SGCG: variants seen among roughly 807,000 people sequenced by gnomAD.
SGCG encodes the protein sarcoglycan gamma, also known as gamma-sarcoglycan.
SGCG carries 26 observed loss-of-function variants against 29.3 expected under a neutral mutation model. The observed-to-expected ratio is 0.89, with a 90% CI of 0.65 to 1.23. SGCG has a LOEUF of 1.23. Among genes scored for constraint, SGCG ranks in the 50% most tolerant of loss-of-function variants. SGCG has a pLI of 0.00. For synonymous variants in SGCG, 145 were observed against 129.7 expected, an observed-to-expected ratio of 1.12 and a Z score of -0.80; for missense variants, 353 against 356.0, an observed-to-expected ratio of 0.99 and a Z score of 0.07.
chr13:23,232,330 A>C (rs1164440158), intron 2 of SGCG, among the ~76,000 whole-genome samples: 3 of 152,214 alleles, frequency 2.0e-5, no homozygotes, highest in Non-Finnish European at 4.4e-5. Context: ...TGTCTTTGAA[A>C]GTAGAAGTCT....
rs147875973 is a variant in SGCG, at chr13:23,320,820, T to C, written c.702+60T>C. Reference sequence around the variant, plus strand: ...GTCCTGATGATATTCCTGAGTACCATGTCTGTAAAGCTATCAGTATTAAAT... The same window carrying C: ...GTCCTGATGATATTCCTGAGTACCACGTCTGTAAAGCTATCAGTATTAAAT... On this transcript the variant is annotated intron_variant, in intron 7 of 7. Coordinates refer to ENST00000218867, the MANE Select transcript of SGCG (RefSeq NM_000231.3). 438 of 1,531,706 alleles carry C rather than the reference T, an allele frequency of 2.9e-4. 3 individuals are homozygous for C. In the African/African-American group the frequency reaches 5.2e-3, roughly 18 times the overall value. The allele number at this position is 1,531,706 out of a possible 1,614,324, so 94.9% of individuals were successfully genotyped here.
chr13:23,261,162 T>G (rs1880419941), intron 4 of SGCG, among the ~76,000 whole-genome samples: 1 of 152,122 alleles, frequency 6.6e-6, no homozygotes, highest in Non-Finnish European at 1.5e-5. Flanking sequence ...CCCCATCACT[T>G]TCAGGTACAC....
chr13:23,169,636 G>A, the SGCG span, among the ~76,000 whole-genome samples: 3 of 150,688 alleles, frequency 2.0e-5, no homozygotes, highest in East Asian at 2.0e-4. Context: ...CCGAGATCTT[G>A]CCACTGCACT....
chr13:23,213,201 G>A (rs748426853), intron 2 of SGCG, among the ~76,000 whole-genome samples: 18 of 152,298 alleles, frequency 1.2e-4, no homozygotes, highest in Admixed American at 2.6e-4. Context: ...AACAGGGGGC[G>A]TGGTGACTCA....
chr13:23,320,212 G>A (rs994458577), intron 6 of SGCG, among the ~76,000 whole-genome samples: 13 of 152,158 alleles, frequency 8.5e-5, no homozygotes, highest in Admixed American at 3.3e-4. Flanking sequence ...CTCTTGAGCC[G>A]GGAGTTCGAT....
intron 1 of SGCG, among the ~76,000 whole-genome samples, chr13:23,196,452 T>A (rs1374882215): frequency 6.6e-6 from 1 of 152,196 alleles, no homozygotes; most frequent in Non-Finnish European, 1.5e-5. Flanking sequence ...GCCAATATTA[T>A]CTATTATCAG....
intron 6 of SGCG, among the ~76,000 whole-genome samples, chr13:23,299,408 A>ATGTATG (rs35074931): frequency 6.5e-4 from 9 of 13,944 alleles, no homozygotes; most frequent in Admixed American, 1.3e-3. Flanking sequence ...CTTAGTTGGC[A>ATGTATG]TATATATATA....
chr13:23,281,457 A>T (rs1238328189), intron 5 of SGCG, among the ~76,000 whole-genome samples: 1 of 152,026 alleles, frequency 6.6e-6, no homozygotes, highest in Admixed American at 6.6e-5. Flanking sequence ...GTGTTTCTAG[A>T]GAGTCCCCAG....
intron 6 of SGCG, among the ~76,000 whole-genome samples, chr13:23,315,217 T>G (rs535241134): frequency 2.0e-5 from 3 of 152,288 alleles, no homozygotes; most frequent in African/African-American, 4.8e-5. Context: ...TGGGCTTTGG[T>G]GGAAACTGGA....
At chr13:23,291,597 G>C (rs1259688560) in intron 5 of SGCG, among the ~76,000 whole-genome samples, 1 of 152,148 alleles carries the variant, frequency 6.6e-6, no homozygotes, top group Non-Finnish European at 1.5e-5. Flanking sequence ...TTTCAATGTA[G>C]AGAAACTGCT....
intron 6 of SGCG, among the ~76,000 whole-genome samples, chr13:23,314,604 C>T (rs1211542929): frequency 6.6e-6 from 1 of 151,804 alleles, no homozygotes; most frequent in Non-Finnish European, 1.5e-5. Flanking sequence ...AGATATCACA[C>T]TGGTCCATTA....
intron 1 of SGCG, among the ~76,000 whole-genome samples, chr13:23,184,640 A>T (rs541654998): frequency 6.6e-6 from 1 of 152,268 alleles, no homozygotes; most frequent in South Asian, 2.1e-4. Context: ...TACATAATGA[A>T]CTGGTTTCTG....
intron 2 of SGCG, among the ~76,000 whole-genome samples, chr13:23,207,435 A>G (rs2137506722): frequency 6.6e-6 from 1 of 152,352 alleles, no homozygotes; most frequent in African/African-American, 2.4e-5. Flanking sequence ...TATCAAAAGC[A>G]CAGGCAACCA....
At chr13:23,163,854 A>C in the SGCG span, among the ~76,000 whole-genome samples, 1 of 152,228 alleles carries the variant, frequency 6.6e-6, no homozygotes, top group South Asian at 2.1e-4. Flanking sequence ...AAAAAGGCTA[A>C]AACTAAGTAA....
intron 6 of SGCG, among the ~76,000 whole-genome samples, chr13:23,296,030 T>G (rs781616568): frequency 6.6e-6 from 1 of 152,256 alleles, no homozygotes; most frequent in Non-Finnish European, 1.5e-5. Flanking sequence ...GAATGTCTGC[T>G]CATCCCTCAA....
intron 6 of SGCG, among the ~76,000 whole-genome samples, chr13:23,319,384 C>G (rs1386244901): frequency 6.6e-6 from 1 of 152,038 alleles, no homozygotes; most frequent in Non-Finnish European, 1.5e-5. Flanking sequence ...CCCAGCCTAA[C>G]TTGACCAATA....
chr13:23,218,137 G>A (rs955606076), intron 2 of SGCG, among the ~76,000 whole-genome samples: 1 of 152,130 alleles, frequency 6.6e-6, no homozygotes, highest in African/African-American at 2.4e-5. Context: ...TAATTTTAGT[G>A]TTACCTTATG....
At chr13:23,269,838 G>GTT (rs71100163) in intron 4 of SGCG, among the ~76,000 whole-genome samples, 12,638 of 124,536 alleles carry the variant, frequency 0.1, 686 homozygotes, top group South Asian at 0.15. Context: ...TATGTATTTT[G>GTT]TTTTTTTTTT....
intron 2 of SGCG, among the ~76,000 whole-genome samples, chr13:23,212,133 C>G (rs1446823637): frequency 6.6e-6 from 1 of 152,088 alleles, no homozygotes; most frequent in Non-Finnish European, 1.5e-5. Context: ...TTTCTTGAGG[C>G]CTCCCCAGAA....
Sources: gnomAD v4.1 joint callset for allele counts (sites outside exome capture counted in the v4.1 genomes callset) on GRCh38, gnomAD v4.1.1 for gene constraint, MANE v1.5 for transcripts, NCBI Gene and HGNC (gene_info 2026-07-23, HGNC 2026-07-21) for gene names.